Variants in GRID2 observed in about 807,000 individuals in gnomAD.
The protein encoded by GRID2 is glutamate ionotropic receptor delta type subunit 2.
A neutral mutation model predicts 114.8 loss-of-function variants in GRID2; 33 were observed. The observed-to-expected ratio is 0.29, with a 90% CI of 0.22 to 0.38. The LOEUF (loss-of-function observed/expected upper bound fraction) is 0.38. Ranked by LOEUF, GRID2 falls within the 10% of genes least tolerant of loss-of-function variation. The probability of loss-of-function intolerance (pLI) is 1.00; values close to 1 mark genes in which losing one functional copy is unlikely to be tolerated. For synonymous variants in GRID2, 505 were observed against 449.9 expected (o/e 1.12, Z -1.55); for missense variants, 1,184 against 1,257.7 (o/e 0.94, Z 0.89).
At chr4:92,446,785 C>G (rs1482917783) in intron 1 of GRID2, among the ~76,000 whole-genome samples, 1 of 152,218 alleles carries the variant, frequency 6.6e-6, no homozygotes, top group Non-Finnish European at 1.5e-5. Flanking sequence ...TGGTGGACCA[C>G]TTGGGTGAAA....
chr4:92,353,351 A>G (rs560155936), intron 1 of GRID2, among the ~76,000 whole-genome samples: 1 of 150,978 alleles, frequency 6.6e-6, no homozygotes, highest in African/African-American at 2.4e-5. Context: ...GTTTCTGTCT[A>G]TTTACTTTCT....
At chr4:92,557,602 G>T (rs964246842) in intron 1 of GRID2, among the ~76,000 whole-genome samples, 2 of 146,448 alleles carry the variant, frequency 1.4e-5, no homozygotes, top group Middle Eastern at 3.8e-3. Context: ...CCTTATATTT[G>T]TGTATTAGAT....
At chr4:92,918,142 G>T (rs1480042133) in intron 2 of GRID2, among the ~76,000 whole-genome samples, 1 of 151,960 alleles carries the variant, frequency 6.6e-6, no homozygotes, top group Non-Finnish European at 1.5e-5. Context: ...TCATGATTTG[G>T]CTCTCTGTTT....
rs995356927 is a variant in GRID2 at position 92,434,938 on chromosome 4, C to T, written c.88+130194C>T. On this transcript the variant is annotated intron_variant, in intron 1 of 15. Transcript: ENST00000282020. ...GAAGATTACTTGCTGTCGTTGATCA[C>T]ATGGGAATGGAATTCAACAATTCAA... Among the ~76,000 whole-genome samples the T allele has an allele frequency of 3.3e-5, 5 of 152,096 alleles. 1 individual carries two copies. The highest frequency in any genetic ancestry group is 4.1e-4 in the South Asian group (2 of 4,820).
rs1471667668 is a variant in GRID2 at position 92,812,666 on chromosome 4, T to C, written c.244+222380T>C. Among the ~76,000 whole-genome samples, 4 of 152,110 alleles carry C rather than the reference T, an allele frequency of 2.6e-5. No individual in the cohort carries two copies. The East Asian group carries it at 5.8e-4, about 22-fold the overall frequency. ...TGAATTATATATAGTGATGATAAGATCACTAGCATCAGATGAATGAAAAAC... is the reference window on the plus strand; with the variant it reads ...TGAATTATATATAGTGATGATAAGACCACTAGCATCAGATGAATGAAAAAC... On this transcript the variant is annotated intron_variant, in intron 2 of 15. Coordinates refer to ENST00000282020, the MANE Select transcript of GRID2 (RefSeq NM_001510.4).
intron 8 of GRID2, among the ~76,000 whole-genome samples, chr4:93,368,248 A>C (rs138906477): frequency 8.9e-4 from 136 of 152,268 alleles, no homozygotes; most frequent in Non-Finnish European, 1.7e-3. Flanking sequence ...TTTACCAGAA[A>C]TAAAAAAAGT....
intron 2 of GRID2, among the ~76,000 whole-genome samples, chr4:93,050,471 C>T: frequency 6.6e-6 from 1 of 150,784 alleles, no homozygotes; most frequent in Non-Finnish European, 1.5e-5. Context: ...CCGTGGAAAC[C>T]ATGAAGTCAG....
At chr4:92,952,067 T>C (rs1034649624) in intron 2 of GRID2, among the ~76,000 whole-genome samples, 1 of 152,170 alleles carries the variant, frequency 6.6e-6, no homozygotes, top group African/African-American at 2.4e-5. Flanking sequence ...AAATAAAATC[T>C]CAAAAGTTAA....
intron 2 of GRID2, among the ~76,000 whole-genome samples, chr4:92,966,185 G>C (rs549629528): frequency 6.6e-6 from 1 of 151,968 alleles, no homozygotes; most frequent in African/African-American, 2.4e-5. Flanking sequence ...GCCCTCAAAA[G>C]TCCATTATTT....
chr4:93,199,013 T>C (rs1741799130), intron 4 of GRID2, among the ~76,000 whole-genome samples: 1 of 152,160 alleles, frequency 6.6e-6, no homozygotes, highest in Non-Finnish European at 1.5e-5. Flanking sequence ...GTCATTTAGC[T>C]ATTAAAAAAT....
chr4:93,110,463 T>C (rs1357429746), intron 3 of GRID2, among the ~76,000 whole-genome samples: 2 of 152,132 alleles, frequency 1.3e-5, no homozygotes, highest in African/African-American at 2.4e-5. Flanking sequence ...TCTCCAACCA[T>C]CTCCGTGCAC....
At chr4:93,593,594 G>T (rs367879819) in intron 13 of GRID2, among the ~76,000 whole-genome samples, 5 of 148,924 alleles carry the variant, frequency 3.4e-5, no homozygotes, top group Non-Finnish European at 3.0e-5. Flanking sequence ...GAATCTGAAC[G>T]TTGGCCTGCC....
At chr4:92,491,310 A>G (rs889619782) in intron 1 of GRID2, among the ~76,000 whole-genome samples, 4 of 152,130 alleles carry the variant, frequency 2.6e-5, no homozygotes, top group East Asian at 1.9e-4. Flanking sequence ...AATATCAGCT[A>G]TGCTTCCAGT....
intron 11 of GRID2, among the ~76,000 whole-genome samples, chr4:93,461,745 G>C (rs1290035977): frequency 6.6e-6 from 1 of 152,110 alleles, no homozygotes; most frequent in East Asian, 1.9e-4. Flanking sequence ...TTGTGAATTA[G>C]GTTGTAAAAT....
intron 2 of GRID2, among the ~76,000 whole-genome samples, chr4:92,832,455 G>C (rs371361026): frequency 6.6e-6 from 1 of 151,908 alleles, no homozygotes; most frequent in South Asian, 2.1e-4. Flanking sequence ...GTGCAGTGAC[G>C]CAATCTTGGC....
chr4:92,444,973 A>ATTTG (rs374564436), intron 1 of GRID2, among the ~76,000 whole-genome samples: 2 of 151,590 alleles, frequency 1.3e-5, no homozygotes, highest in Non-Finnish European at 2.9e-5. Flanking sequence ...CGTATGCCAT[A>ATTTG]TTTGTTTGTT....
chr4:92,512,817 G>C (rs923107787), intron 1 of GRID2, among the ~76,000 whole-genome samples: 6 of 151,886 alleles, frequency 4.0e-5, no homozygotes, highest in African/African-American at 1.4e-4. Context: ...GATTGACCCT[G>C]AGAACGTAAT....
At chr4:93,703,790 C>T (rs1354151575) in intron 14 of GRID2, among the ~76,000 whole-genome samples, 2 of 151,916 alleles carry the variant, frequency 1.3e-5, no homozygotes, top group Non-Finnish European at 2.9e-5. Context: ...ATGATGGTTT[C>T]CACCTTCATC....
chr4:93,532,546 G>A (rs1473021495), intron 13 of GRID2, among the ~76,000 whole-genome samples: 6 of 152,128 alleles, frequency 3.9e-5, no homozygotes, highest in Non-Finnish European at 8.8e-5. Flanking sequence ...TCAGCCTGCA[G>A]GAGAGTTGTG....
Sources: gnomAD v4.1 joint callset for allele counts (sites outside exome capture counted in the v4.1 genomes callset) on GRCh38, gnomAD v4.1.1 for gene constraint, MANE v1.5 for transcripts, NCBI Gene and HGNC (gene_info 2026-07-23, HGNC 2026-07-21) for gene names.